The following PTPRN2 variants were observed in gnomAD, a reference collection of about 807,000 sequenced individuals.
PTPRN2 encodes protein tyrosine phosphatase receptor type N2.
In PTPRN2, 74 loss-of-function variants were observed where a neutral mutation model predicts 118.8. That is an observed-to-expected ratio of 0.62 (90% confidence interval 0.52 to 0.76). The LOEUF is 0.76. PTPRN2 is among the 30% of genes least tolerant of loss of function. PTPRN2 has a pLI of 0.00. For missense variants in PTPRN2, 1,481 were observed against 1,394.4 expected, an observed-to-expected ratio of 1.06 and a Z score of -0.99; for synonymous variants, 641 against 608.0, an observed-to-expected ratio of 1.05 and a Z score of -0.80.
intron 2 of PTPRN2, among the ~76,000 whole-genome samples, chr7:158,357,113 T>C (rs1362750581): frequency 2.0e-5 from 3 of 152,048 alleles, no homozygotes; most frequent in Non-Finnish European, 4.4e-5. Flanking sequence ...AACCAGAAAA[T>C]AGAAACCAAG....
chr7:158,477,030 T>C (rs1272226072), intron 2 of PTPRN2, among the ~76,000 whole-genome samples: 1 of 152,242 alleles, frequency 6.6e-6, no homozygotes, highest in South Asian at 2.1e-4. Flanking sequence ...GAGCTTCACA[T>C]AGTTCAATTC....
At chr7:157,547,967 G>A (rs972012136) in intron 22 of PTPRN2, among the ~76,000 whole-genome samples, 4 of 152,344 alleles carry the variant, frequency 2.6e-5, no homozygotes, top group Non-Finnish European at 5.9e-5. Flanking sequence ...GGGCATCGCT[G>A]GGCCTGTTGG....
intron 3 of PTPRN2, among the ~76,000 whole-genome samples, chr7:158,275,036 A>G (rs1229987697): frequency 6.6e-6 from 1 of 152,188 alleles, no homozygotes; most frequent in East Asian, 1.9e-4. Flanking sequence ...GTGGGGTTCA[A>G]AAAGCTGCCT....
Position 157,733,888 on chromosome 7 carries a change from C to G in PTPRN2, c.1789-50951G>C, listed in dbSNP as rs1251860410. On this transcript the variant is annotated intron_variant, in intron 12 of 22. Coordinates refer to ENST00000389418, the MANE Select transcript of PTPRN2 (RefSeq NM_002847.5). Reference sequence around the variant, plus strand: ...CACAGTTACTCTTTTCCGTCCCATGCGCCCAGCACAGTTACCCTTTTCCGT... The same window carrying G: ...CACAGTTACTCTTTTCCGTCCCATGGGCCCAGCACAGTTACCCTTTTCCGT... Among the ~76,000 whole-genome samples, 2 of 61,226 alleles carry G rather than the reference C, an allele frequency of 3.3e-5. 1 individual carries two copies. Among genetic ancestry groups the G allele is most frequent in the Non-Finnish European group, 6.5e-5 (2 of 30,702 alleles). 40.2% of individuals were successfully genotyped at this position (61,226 alleles called of 152,430 possible).
At position 158,565,662 on chromosome 7, in the gene PTPRN2, C is replaced by T. The variant is rs1370723153; in HGVS notation, c.112+21896G>A. ...CGGTAGACGCCAAGGGTCCAGGAGT[C>T]GCCCTCTGTTACTTCATGACTCCAA... On this transcript the variant is annotated intron_variant, in intron 1 of 22. Coordinates refer to ENST00000389418, the MANE Select transcript of PTPRN2 (RefSeq NM_002847.5). The surrounding 1 kb of genome is among the most constrained non-coding windows in gnomAD (Gnocchi z 4.6). Among the ~76,000 whole-genome samples the T allele has an allele frequency of 1.3e-5, 2 of 152,316 alleles. No individual in the cohort carries two copies. Among genetic ancestry groups the T allele is most frequent in the East Asian group, 3.9e-4 (2 of 5,184 alleles).
At chr7:158,190,451 C>A (rs549364901) in intron 5 of PTPRN2, among the ~76,000 whole-genome samples, 1 of 152,348 alleles carries the variant, frequency 6.6e-6, no homozygotes, top group African/African-American at 2.4e-5. Flanking sequence ...CAGAGAGACT[C>A]CCACAGGCTC....
intron 12 of PTPRN2, among the ~76,000 whole-genome samples, chr7:157,842,088 G>T (rs1193113358): frequency 6.6e-6 from 1 of 152,184 alleles, no homozygotes; most frequent in East Asian, 1.9e-4. Context: ...GGCTGTCAGA[G>T]CACTGGAACC....
chr7:157,960,404 T>C (rs990300037), intron 11 of PTPRN2, among the ~76,000 whole-genome samples: 1 of 152,352 alleles, frequency 6.6e-6, no homozygotes, highest in Non-Finnish European at 1.5e-5. Context: ...AATCAGGTGC[T>C]GTTTTAAACT....
At chr7:158,280,609 G>T (rs868128475) in intron 3 of PTPRN2, among the ~76,000 whole-genome samples, 3 of 152,224 alleles carry the variant, frequency 2.0e-5, no homozygotes, top group Middle Eastern at 3.2e-3. Context: ...GGAGATGAAA[G>T]GAGGAGCCGA....
intron 9 of PTPRN2, among the ~76,000 whole-genome samples, chr7:158,121,767 G>T (rs1817193989): frequency 6.6e-6 from 1 of 152,190 alleles, no homozygotes; most frequent in South Asian, 2.1e-4. Context: ...GGTGTCCCCA[G>T]TTATACAAAG....
chr7:158,412,875 ACCCTCCTCAGCACCAGGGCCCATCCAGTG>A (rs1814285310), intron 2 of PTPRN2, among the ~76,000 whole-genome samples: 1 of 91,608 alleles, frequency 1.1e-5, no homozygotes. Flanking sequence ...CCATCTCAGC[ACCCTCCTCAGCACCAGGGCCCATCCAGTG>A]CCCTCCTCAA....
chr7:157,747,741 A>G (rs1279417720), intron 12 of PTPRN2, among the ~76,000 whole-genome samples: 145 of 64,792 alleles, frequency 2.2e-3, no homozygotes, highest in Middle Eastern at 0.029. Context: ...TGAGGCCTGC[A>G]TCTCTGAGCT....
At chr7:157,873,819 G>A (rs1212080914) in intron 12 of PTPRN2, among the ~76,000 whole-genome samples, 1 of 152,172 alleles carries the variant, frequency 6.6e-6, no homozygotes, top group East Asian at 1.9e-4. Context: ...GCACAGGTCA[G>A]CAGGGGGCAC....
rs560840229 is a variant in PTPRN2, at chr7:157,794,546, A to G, written c.1788+104127T>C. ...AAGGAGGCAATTATACAATAGGACT[A>G]TCACCCTCACTGTCACTCTCCGCTT... On this transcript the variant is annotated intron_variant, in intron 12 of 22. Coordinates refer to ENST00000389418, the MANE Select transcript of PTPRN2 (RefSeq NM_002847.5). The surrounding 1 kb of genome is among the most constrained non-coding windows in gnomAD (Gnocchi z 5.2). Among the ~76,000 whole-genome samples, 4 of 152,350 alleles carry G rather than the reference A, an allele frequency of 2.6e-5. No individual in the cohort carries two copies. The East Asian group carries it at 7.7e-4, about 29-fold the overall frequency.
At chr7:158,164,697 T>C (rs142934962) in intron 6 of PTPRN2, among the ~76,000 whole-genome samples, 27 of 152,114 alleles carry the variant, frequency 1.8e-4, no homozygotes, top group African/African-American at 6.0e-4. Flanking sequence ...CAGAGGTGAA[T>C]GGGGCTTTTT....
intron 11 of PTPRN2, among the ~76,000 whole-genome samples, 193 bp from the exon 12 acceptor site, chr7:157,898,930 C>T (rs1056200017): frequency 5.9e-5 from 9 of 152,212 alleles, no homozygotes; most frequent in Admixed American, 1.3e-4. Context: ...ACCCAGTGTG[C>T]GTCCACCTCG....
Position 158,008,720 on chromosome 7 carries a change from G to A in PTPRN2, c.1723+72578C>T, listed in dbSNP as rs572134336. On this transcript the variant is annotated intron_variant, in intron 11 of 22. Coordinates refer to ENST00000389418, the MANE Select transcript of PTPRN2 (RefSeq NM_002847.5). Reference sequence around the variant, plus strand: ...GATTTATCTTCACACAGCGCTTGGCGCATGCGGGCCTCTAACGAATGTTTA... The same window carrying A: ...GATTTATCTTCACACAGCGCTTGGCACATGCGGGCCTCTAACGAATGTTTA... Among the ~76,000 whole-genome samples the A allele has an allele frequency of 6.2e-4, 95 of 152,356 alleles. 1 individual carries two copies. Among genetic ancestry groups the A allele is most frequent in the African/African-American group, 2.2e-3 (91 of 41,580 alleles).
chr7:157,675,887 C>A (rs917925789), intron 13 of PTPRN2, among the ~76,000 whole-genome samples: 3 of 152,140 alleles, frequency 2.0e-5, no homozygotes, highest in Non-Finnish European at 4.4e-5. Flanking sequence ...GGCAATGGCA[C>A]CTTTCTTCCA....
At chr7:158,507,874 G>A (rs1428618679) in intron 1 of PTPRN2, among the ~76,000 whole-genome samples, 2 of 148,554 alleles carry the variant, frequency 1.3e-5, no homozygotes, top group African/African-American at 5.0e-5. Context: ...GCGCTGCAGT[G>A]TGCAGGAGAC....
Sources: allele counts gnomAD v4.1 joint callset (sites outside exome capture counted in the v4.1 genomes callset), GRCh38; gene constraint gnomAD v4.1.1; non-coding constraint Gnocchi (gnomAD v3.1); transcripts MANE v1.5; gene names NCBI Gene and HGNC (gene_info 2026-07-23, HGNC 2026-07-21).